The following SYNDIG1 variants were observed in gnomAD, a reference collection of about 807,000 sequenced individuals.
SYNDIG1 encodes synapse differentiation inducing 1.
In SYNDIG1, 9 loss-of-function variants were observed where a neutral mutation model predicts 19.4. The ratio of observed to expected loss-of-function variants is 0.46; its 90% CI spans 0.28 to 0.81. SYNDIG1 has a LOEUF of 0.81. SYNDIG1 is among the 30% of genes least tolerant of loss of function. SYNDIG1 has a pLI of 0.12. For missense variants in SYNDIG1, 311 were observed against 343.3 expected, an observed-to-expected ratio of 0.91 and a Z score of 0.74; for synonymous variants, 141 against 145.9, an observed-to-expected ratio of 0.97 and a Z score of 0.24.
At chr20:24,626,460 C>G (rs1383832803) in intron 3 of SYNDIG1, among the ~76,000 whole-genome samples, 1 of 151,386 alleles carries the variant, frequency 6.6e-6, no homozygotes, top group Non-Finnish European at 1.5e-5. Context: ...AGAGGCGCTC[C>G]CCACATCTCA....
intron 2 of SYNDIG1, among the ~76,000 whole-genome samples, chr20:24,560,358 G>A (rs1440692688): frequency 2.0e-5 from 3 of 151,954 alleles, no homozygotes; most frequent in Non-Finnish European, 4.4e-5. Flanking sequence ...AGATATTTGA[G>A]GTTCTGTTCC....
intron 1 of SYNDIG1, among the ~76,000 whole-genome samples, chr20:24,509,934 C>A (rs2056698494): frequency 6.6e-6 from 1 of 152,158 alleles, no homozygotes; most frequent in Non-Finnish European, 1.5e-5. Flanking sequence ...CCCCTTAGTG[C>A]TGCTCTCACC....
At chr20:24,490,661 G>A (rs2146306368) in intron 1 of SYNDIG1, among the ~76,000 whole-genome samples, 1 of 152,354 alleles carries the variant, frequency 6.6e-6, no homozygotes, top group Non-Finnish European at 1.5e-5. Context: ...GTGCTCAGCA[G>A]GATTGTCACG....
chr20:24,500,109 G>T (rs2056403176), intron 1 of SYNDIG1, among the ~76,000 whole-genome samples: 1 of 151,896 alleles, frequency 6.6e-6, no homozygotes. Context: ...AAAGACTCCA[G>T]ACTCAGTTTC....
intron 2 of SYNDIG1, among the ~76,000 whole-genome samples, chr20:24,575,031 A>G (rs1365991387): frequency 6.6e-6 from 1 of 152,172 alleles, no homozygotes; most frequent in Non-Finnish European, 1.5e-5. Context: ...TGCCAGGGAA[A>G]CCCTGGATGT....
At chr20:24,584,307 A>G (rs1208660754) in intron 2 of SYNDIG1, among the ~76,000 whole-genome samples, 4 of 152,224 alleles carry the variant, frequency 2.6e-5, no homozygotes, top group Non-Finnish European at 4.4e-5. Flanking sequence ...TTCAGGGGAC[A>G]ATGTCCTCCG....
intron 1 of SYNDIG1, among the ~76,000 whole-genome samples, chr20:24,529,999 T>TTCTGGA (rs1292484494): frequency 1.1e-3 from 164 of 152,340 alleles, no homozygotes; most frequent in Admixed American, 1.4e-3. Context: ...ATGGTGTCAG[T>TTCTGGA]GGTGGGGATA....
chr20:24,570,364 A>G (rs1375335911), intron 2 of SYNDIG1, among the ~76,000 whole-genome samples: 1 of 152,272 alleles, frequency 6.6e-6, no homozygotes, highest in Non-Finnish European at 1.5e-5. Flanking sequence ...ATGAAAAGAC[A>G]AGCTACACAA....
chr20:24,610,386 C>T lies in SYNDIG1; in HGVS notation c.618+25393C>T, dbSNP rs148537838. Among the ~76,000 whole-genome samples the T allele has an allele frequency of 9.2e-5, 14 of 152,328 alleles. No individual in the cohort carries two copies. The East Asian group carries it at 9.6e-4, about 10-fold the overall frequency. ...TTCATTCCAGAGCCACCTGTGTCCA[C>T]GCAACGATTCCGGATCACCCGCCGT... On this transcript the variant is annotated intron_variant, in intron 3 of 3. Transcript: ENST00000376862.
chr20:24,627,594 A>G (rs1014903965), intron 3 of SYNDIG1, among the ~76,000 whole-genome samples: 3 of 152,270 alleles, frequency 2.0e-5, no homozygotes, highest in Non-Finnish European at 4.4e-5. Flanking sequence ...TCCGTAGTGC[A>G]TCTTTCAAAG....
chr20:24,566,286 C>T (rs1030767262), intron 2 of SYNDIG1, among the ~76,000 whole-genome samples: 1 of 152,070 alleles, frequency 6.6e-6, no homozygotes, highest in Non-Finnish European at 1.5e-5. Flanking sequence ...AGATCTTAGC[C>T]CAGAGCTCGC....
chr20:24,539,342 T>A (rs892499241), intron 1 of SYNDIG1, among the ~76,000 whole-genome samples: 5 of 152,216 alleles, frequency 3.3e-5, no homozygotes, highest in Middle Eastern at 3.2e-3. Flanking sequence ...CACCATTTGT[T>A]GAAAAAAAAT....
In SYNDIG1 at chr20:24,588,356, A is replaced by G. The variant is rs773057261; in HGVS notation, c.618+3363A>G. 2.2e-4 allele frequency among the ~76,000 whole-genome samples: 34 copies of G among 152,252 alleles called. 1 individual carries two copies. Among genetic ancestry groups the G allele is most frequent in the Admixed American group, 2.0e-4 (3 of 15,286 alleles). On this transcript the variant is annotated intron_variant, in intron 3 of 3. Coordinates refer to ENST00000376862, the MANE Select transcript of SYNDIG1 (RefSeq NM_024893.3). ...AATTCTAAAAATATGTTCATGAAGT[A>G]GCATAACAGTAGTAATCAAAGTGTT... is the stretch of plus-strand genomic sequence containing the variant.
intron 2 of SYNDIG1, among the ~76,000 whole-genome samples, chr20:24,569,671 AT>A (rs1295116689): frequency 1.3e-5 from 2 of 152,196 alleles, no homozygotes; most frequent in African/African-American, 4.8e-5. Context: ...TAAAAAATCA[AT>A]TTTTGTAAAG....
chr20:24,534,966 G>A (rs1326348748), intron 1 of SYNDIG1, among the ~76,000 whole-genome samples: 1 of 152,218 alleles, frequency 6.6e-6, no homozygotes, highest in Non-Finnish European at 1.5e-5. Context: ...TTGCCCAGCT[G>A]GAGTATTATT....
intron 1 of SYNDIG1, among the ~76,000 whole-genome samples, chr20:24,511,180 T>G (rs915147046): frequency 6.6e-6 from 1 of 152,204 alleles, no homozygotes; most frequent in Non-Finnish European, 1.5e-5. Context: ...CATTTCTTGG[T>G]AAATTTTAAA....
chr20:24,546,358 C>T (rs1343378946), intron 2 of SYNDIG1, among the ~76,000 whole-genome samples: 1 of 151,038 alleles, frequency 6.6e-6, no homozygotes, highest in Non-Finnish European at 1.5e-5. Context: ...AACACAGTGC[C>T]TTAACAACTC....
rs142276565 is a variant in SYNDIG1, at chr20:24,594,492, T to A, written c.618+9499T>A. ...CAGCTTTATTCTTTCCACTTAGGAT[T>A]GCCTTGGCTATTTGAGCTCTTTTGT... is the stretch of plus-strand genomic sequence containing the variant. On this transcript the variant is annotated intron_variant, in intron 3 of 3. Coordinates refer to ENST00000376862, the MANE Select transcript of SYNDIG1 (RefSeq NM_024893.3). 3.9e-5 allele frequency among the ~76,000 whole-genome samples: 6 copies of A among 152,338 alleles called. No individual in the cohort carries two copies. The East Asian group carries it at 1.2e-3, about 29-fold the overall frequency.
intron 3 of SYNDIG1, among the ~76,000 whole-genome samples, chr20:24,664,428 G>A (rs2147415930): frequency 6.6e-6 from 1 of 152,286 alleles, no homozygotes; most frequent in East Asian, 1.9e-4. Context: ...CATTCTGCCA[G>A]GGTAGTCCTG....
Sources: gnomAD v4.1 joint callset for allele counts (sites outside exome capture counted in the v4.1 genomes callset) on GRCh38, gnomAD v4.1.1 for gene constraint, MANE v1.5 for transcripts, NCBI Gene and HGNC (gene_info 2026-07-23, HGNC 2026-07-21) for gene names.